VEPH1: variants seen among roughly 807,000 people sequenced by gnomAD.
The protein encoded by VEPH1 is ventricular zone-expressed PH domain-containing protein homolog 1.
In VEPH1, 80 loss-of-function variants were observed where a neutral mutation model predicts 85.2. The observed-to-expected ratio is 0.94, with a 90% CI of 0.78 to 1.13. VEPH1 has a LOEUF of 1.13. Among genes scored for constraint, VEPH1 ranks in the 50% most tolerant of loss-of-function variants. VEPH1 has a pLI of 0.00. For synonymous variants in VEPH1, 297 were observed against 348.0 expected, an observed-to-expected ratio of 0.85 and a Z score of 1.63; for missense variants, 955 against 980.5, an observed-to-expected ratio of 0.97 and a Z score of 0.35.
rs75994089 is a variant in VEPH1 at position 157,288,177 on chromosome 3, G to T, written c.2011-1503C>A. Among the ~76,000 whole-genome samples, 97 of 152,266 alleles carry T rather than the reference G, an allele frequency of 6.4e-4. No individual in the cohort carries two copies. In the East Asian group the frequency reaches 0.018, roughly 28 times the overall value. On this transcript the variant is annotated intron_variant, in intron 11 of 13. Transcript: ENST00000362010. ...TGACCAGAAACTGCATTCTTAAAAG[G>T]CTCCTCCTCCTAAGAGGGACTTAAT...
chr3:157,442,448 G>GA, intron 4 of VEPH1: 4 of 1,614,196 alleles, frequency 2.5e-6, no homozygotes, highest in Non-Finnish European at 3.4e-6. Context: ...TGAGGCTTGA[G>GA]TCTTTTAGTG....
intron 1 of VEPH1, among the ~76,000 whole-genome samples, chr3:157,501,102 A>G (rs986061465): frequency 6.6e-6 from 1 of 152,204 alleles, no homozygotes; most frequent in Non-Finnish European, 1.5e-5. Context: ...AAATTAATAC[A>G]TGACTGTACT....
intron 4 of VEPH1, among the ~76,000 whole-genome samples, chr3:157,437,305 C>T (rs1246578067): frequency 6.6e-6 from 1 of 152,186 alleles, no homozygotes; most frequent in Non-Finnish European, 1.5e-5. Context: ...CCGGCGATTT[C>T]ATAGGGTACA....
At chr3:157,447,064 T>C (rs939951688) in intron 4 of VEPH1, among the ~76,000 whole-genome samples, 1 of 152,224 alleles carries the variant, frequency 6.6e-6, no homozygotes, top group African/African-American at 2.4e-5. Context: ...AAAATGTTTT[T>C]CCAAGTTGTT....
intron 9 of VEPH1, among the ~76,000 whole-genome samples, chr3:157,333,555 G>A (rs1336083924): frequency 2.6e-5 from 4 of 152,176 alleles, no homozygotes; most frequent in Non-Finnish European, 5.9e-5. Context: ...CTATATATTT[G>A]CATGACACTA....
At chr3:157,376,715 G>A (rs1728162261) in intron 7 of VEPH1, among the ~76,000 whole-genome samples, 1 of 152,216 alleles carries the variant, frequency 6.6e-6, no homozygotes, top group African/African-American at 2.4e-5. Flanking sequence ...TTTGGCACAA[G>A]AAAGCCTCCT....
intron 11 of VEPH1, among the ~76,000 whole-genome samples, chr3:157,312,293 G>A (rs1720194007): frequency 6.6e-6 from 1 of 152,190 alleles, no homozygotes; most frequent in African/African-American, 2.4e-5. Context: ...TCGAGTTTGG[G>A]AAGGGCTAAA....
intron 12 of VEPH1, among the ~76,000 whole-genome samples, chr3:157,282,461 C>G (rs987022469): frequency 2.0e-5 from 3 of 152,182 alleles, no homozygotes; most frequent in Non-Finnish European, 4.4e-5. Flanking sequence ...GTTCCATTTT[C>G]TTTTAGAACC....
intron 4 of VEPH1, chr3:157,437,893 G>A (rs917212503): frequency 1.3e-6 from 2 of 1,521,282 alleles, no homozygotes; most frequent in African/African-American, 1.4e-5. Context: ...GGGCTGGGCT[G>A]CCCGGAGCTG....
At chr3:157,313,826 A>C in intron 10 of VEPH1, 71 bp from the exon 11 acceptor site, 1 of 1,570,192 alleles carries the variant, frequency 6.4e-7, no homozygotes, top group Non-Finnish European at 8.7e-7. Context: ...GATTGATTTC[A>C]AGGCACTGTT....
At chr3:157,474,330 C>T (rs1338702407) in intron 2 of VEPH1, among the ~76,000 whole-genome samples, 3 of 151,834 alleles carry the variant, frequency 2.0e-5, no homozygotes, top group Non-Finnish European at 4.4e-5. Context: ...AAACAAAGTG[C>T]CTTTATTTTA....
chr3:157,357,909 T>C (rs1290411563), intron 9 of VEPH1, among the ~76,000 whole-genome samples: 1 of 152,242 alleles, frequency 6.6e-6, no homozygotes, highest in Non-Finnish European at 1.5e-5. Flanking sequence ...AGTTATGTTA[T>C]GTCTTCTTTT....
chr3:157,404,799 G>A (rs1731029964), intron 6 of VEPH1, among the ~76,000 whole-genome samples: 1 of 152,158 alleles, frequency 6.6e-6, no homozygotes, highest in Admixed American at 6.5e-5. Flanking sequence ...GAAATAGTTG[G>A]AAGTCAAGTG....
intron 4 of VEPH1, among the ~76,000 whole-genome samples, chr3:157,452,483 A>G (rs1039500738): frequency 2.6e-5 from 4 of 152,226 alleles, no homozygotes; most frequent in Admixed American, 6.5e-5. Context: ...AGAAATGTCT[A>G]GTACTCAATT....
chr3:157,418,951 CA>C (rs1351657971), intron 5 of VEPH1, among the ~76,000 whole-genome samples: 4 of 152,194 alleles, frequency 2.6e-5, no homozygotes, highest in Admixed American at 2.6e-4. Flanking sequence ...CTACAGTAAC[CA>C]AAACGGCAGA....
chr3:157,463,010 A>G (rs1336009322), intron 3 of VEPH1, among the ~76,000 whole-genome samples: 2 of 152,348 alleles, frequency 1.3e-5, no homozygotes, highest in East Asian at 3.9e-4. Flanking sequence ...TTGTGACCTC[A>G]GTAGGAGAGA....
intron 5 of VEPH1, among the ~76,000 whole-genome samples, chr3:157,424,558 G>C (rs1732611805): frequency 6.6e-6 from 1 of 152,202 alleles, no homozygotes; most frequent in Admixed American, 6.5e-5. Context: ...CCCTGATAGG[G>C]ATATAGACAA....
intron 5 of VEPH1, among the ~76,000 whole-genome samples, chr3:157,422,216 T>C (rs1732399021): frequency 1.3e-5 from 2 of 152,176 alleles, no homozygotes; most frequent in South Asian, 4.2e-4. Flanking sequence ...TTTAGGATGG[T>C]TTTAGGGAAG....
chr3:157,407,571 T>A (rs1022406901), intron 6 of VEPH1, among the ~76,000 whole-genome samples: 36 of 152,274 alleles, frequency 2.4e-4, no homozygotes, highest in African/African-American at 8.4e-4. Context: ...AATGTACATG[T>A]GGTTGTCTAC....
Sources: allele counts gnomAD v4.1 joint callset (sites outside exome capture counted in the v4.1 genomes callset), GRCh38; gene constraint gnomAD v4.1.1; transcripts MANE v1.5; gene names NCBI Gene and HGNC (gene_info 2026-07-23, HGNC 2026-07-21).